CYLC2: variants seen among roughly 807,000 people sequenced by gnomAD.
The protein encoded by CYLC2 is cylicin 2, also known as cylicin-2.
CYLC2 carries 30 observed loss-of-function variants against 26.1 expected under a neutral mutation model. The ratio of observed to expected loss-of-function variants is 1.15; its 90% confidence interval spans 0.86 to 1.56. CYLC2 has a LOEUF of 1.56. Among genes scored for constraint, CYLC2 ranks in the 40% most tolerant of loss-of-function variants. The pLI, the probability that CYLC2 is intolerant of heterozygous loss-of-function variation, is 0.00. For missense variants in CYLC2, 498 were observed against 394.4 expected (o/e 1.26, Z -2.23); for synonymous variants, 158 against 132.8 (o/e 1.19, Z -1.31).
chr9:102,996,795 A>T (rs1375159959), intron 1 of CYLC2, among the ~76,000 whole-genome samples: 2 of 151,822 alleles, frequency 1.3e-5, no homozygotes. Context: ...TTCCTTTCCC[A>T]CTTATTCCTT....
chr9:103,006,447 T>G (rs1456830297), intron 5 of CYLC2, 69 bp downstream of exon 5: 2 of 152,046 alleles, frequency 1.3e-5, no homozygotes, highest in African/African-American at 4.8e-5. Context: ...GGAGTCTCTC[T>G]CTGTCGCCCA....
chr9:103,011,023 C>A (rs928278491), intron 5 of CYLC2, among the ~76,000 whole-genome samples: 1 of 151,864 alleles, frequency 6.6e-6, no homozygotes, highest in African/African-American at 2.4e-5. Flanking sequence ...GAAACCATTA[C>A]AAAAAATAAC....
At chr9:103,002,997 A>G (rs966199905) in intron 2 of CYLC2, 145 bp from the exon 3 acceptor site, 9 of 967,984 alleles carry the variant, frequency 9.3e-6, no homozygotes, top group Non-Finnish European at 1.3e-5. Context: ...GATAACAGAA[A>G]ATTGCAAACA....
chr9:102,996,442 T>C (rs1165334914), intron 1 of CYLC2, among the ~76,000 whole-genome samples: 2 of 151,992 alleles, frequency 1.3e-5, no homozygotes, highest in Admixed American at 6.6e-5. Flanking sequence ...TTTGGTCTTA[T>C]GGCTATTTTT....
At chr9:103,008,787 C>A (rs146886672) in intron 5 of CYLC2, among the ~76,000 whole-genome samples, 1,930 of 152,158 alleles carry the variant, frequency 0.013, 45 homozygotes, top group African/African-American at 0.045. Context: ...CAACCATTAT[C>A]TCTTACTTGA....
intron 6 of CYLC2, among the ~76,000 whole-genome samples, chr9:103,015,286 A>T (rs1420484688): frequency 2.5e-5 from 2 of 81,288 alleles, no homozygotes; most frequent in South Asian, 6.9e-4. Flanking sequence ...TATATTATAT[A>T]ATATAATTAT....
Position 102,997,380 on chromosome 9 carries a change from T to G in CYLC2, c.17+1983T>G, listed in dbSNP as rs193183011. Among the ~76,000 whole-genome samples, 446 of 152,006 alleles carry G rather than the reference T, an allele frequency of 2.9e-3. 3 individuals are homozygous for G. Among genetic ancestry groups the G allele is most frequent in the African/African-American group, 0.01 (424 of 41,508 alleles). The stretch of plus-strand genomic sequence containing the variant: ...GCAAAATATTCTCTGGGTGAGGAGT[T>G]CGAAATAAATCCATGCTAAGAAACA... On this transcript the variant is annotated intron_variant, in intron 1 of 7. Coordinates refer to ENST00000374798, the MANE Select transcript of CYLC2 (RefSeq NM_001340.5).
intron 6 of CYLC2, among the ~76,000 whole-genome samples, chr9:103,016,611 A>C (rs1002630130): frequency 4.3e-4 from 65 of 152,128 alleles, no homozygotes; most frequent in Non-Finnish European, 7.4e-5. Context: ...TCAGTGACCT[A>C]TTAATTTCAG....
At chr9:102,999,588 A>C (rs1159872240) in intron 1 of CYLC2, among the ~76,000 whole-genome samples, 1 of 151,870 alleles carries the variant, frequency 6.6e-6, no homozygotes, top group Non-Finnish European at 1.5e-5. Context: ...AATAAGTTTA[A>C]TTTTAAAAAC....
In CYLC2 at chr9:103,018,439, C is replaced by T. The variant is rs548687660; in HGVS notation, c.*1005C>T. ...TTGACAGCTCTAATTACGAATTGAACACATTAAACACCTGGTGAAATTATC... is the reference window on the plus strand; with the variant it reads ...TTGACAGCTCTAATTACGAATTGAATACATTAAACACCTGGTGAAATTATC... On this transcript the variant is annotated 3_prime_UTR_variant, in exon 8 of 8. Transcript: ENST00000374798. 2.0e-5 allele frequency: 3 copies of T among 152,064 alleles called. No homozygotes were observed. In the East Asian group the frequency reaches 5.8e-4, roughly 29 times the overall value. The allele number at this position is 152,064 out of a possible 1,614,324, so 9.4% of individuals were successfully genotyped here. A position where few individuals can be genotyped will look rare whatever the true frequency, so the allele number is the denominator to read the frequency against.
intron 6 of CYLC2, among the ~76,000 whole-genome samples, chr9:103,013,333 A>AT (rs1231023907): frequency 1.1e-4 from 2 of 17,808 alleles, no homozygotes; most frequent in South Asian, 0.012. Flanking sequence ...ATATATATTT[A>AT]ATATATTATA....
Position 103,005,523 on chromosome 9 carries a change from A to G in CYLC2, c.892A>G (p.Lys298Glu). 3 of 1,612,116 alleles carry G rather than the reference A, an allele frequency of 1.9e-6. No individual in the cohort carries two copies. Among genetic ancestry groups the G allele is most frequent in the Non-Finnish European group, 1.7e-6 (2 of 1,178,816 alleles). ...VKKESKKDAT[K>E]DAKKVAKKDT... ...GAAAGAGTCTAAGAAGGACGCCACG[A>G]AAGATGCCAAGAAAGTTGCCAAGAA... Residue 298 changes from lysine (K) to glutamate (E), a missense_variant, in exon 5 of 8, where the codon AAA (lysine) becomes GAA (glutamate). Lys to Glu is a moderately conservative substitution (Grantham distance 56). Transcript: ENST00000374798.
chr9:103,016,155 C>G (rs991655450), intron 6 of CYLC2, among the ~76,000 whole-genome samples: 17 of 151,730 alleles, frequency 1.1e-4, no homozygotes, highest in Middle Eastern at 3.4e-3. Flanking sequence ...ATTTTTCTAT[C>G]TGGTATATTA....
At chr9:103,013,581 T>C (rs1829443165) in intron 6 of CYLC2, among the ~76,000 whole-genome samples, 1 of 112,776 alleles carries the variant, frequency 8.9e-6, no homozygotes, top group Non-Finnish European at 1.6e-5. Flanking sequence ...CATATGTATT[T>C]ACAATATATA....
At chr9:103,013,297 T>A (rs1829435046) in intron 6 of CYLC2, among the ~76,000 whole-genome samples, 2 of 76,644 alleles carry the variant, frequency 2.6e-5, no homozygotes, top group South Asian at 4.7e-4. Context: ...AAATATATAT[T>A]TACATGTTAT....
intron 5 of CYLC2, among the ~76,000 whole-genome samples, chr9:103,009,181 T>C (rs1829380852): frequency 6.6e-6 from 1 of 152,102 alleles, no homozygotes; most frequent in Non-Finnish European, 1.5e-5. Context: ...TCAGCTTACA[T>C]TTTACATTTC....
intron 6 of CYLC2, among the ~76,000 whole-genome samples, chr9:103,012,935 G>T (rs867574127): frequency 6.7e-6 from 1 of 149,790 alleles, no homozygotes; most frequent in Non-Finnish European, 1.5e-5. Context: ...TTTGGCATTC[G>T]GAAAAAAAGT....
At chr9:103,013,658 ATAT>A (rs1274069205) in intron 6 of CYLC2, among the ~76,000 whole-genome samples, 3 of 111,588 alleles carry the variant, frequency 2.7e-5, no homozygotes, top group East Asian at 2.8e-4. Flanking sequence ...AAATATAAAT[ATAT>A]TATATTAAAT....
chr9:103,010,281 T>C (rs2118253426), intron 5 of CYLC2, among the ~76,000 whole-genome samples: 1 of 152,230 alleles, frequency 6.6e-6, no homozygotes, highest in African/African-American at 2.4e-5. Context: ...AATACAAAAT[T>C]ATTGCATAAT....
Sources: allele counts gnomAD v4.1 joint callset (sites outside exome capture counted in the v4.1 genomes callset), GRCh38; gene constraint gnomAD v4.1.1; transcripts MANE v1.5; gene names NCBI Gene and HGNC (gene_info 2026-07-23, HGNC 2026-07-21).